Variants in LINGO1 observed in about 807,000 individuals in gnomAD.
LINGO1 encodes leucine rich repeat and Ig domain containing 1, also known as leucine-rich repeat and immunoglobulin-like domain-containing nogo receptor-interacting protein 1.
A neutral mutation model predicts 37.3 loss-of-function variants in LINGO1; 11 were observed. That is an observed-to-expected ratio of 0.29 (90% CI 0.19 to 0.49). The LOEUF (loss-of-function observed/expected upper bound fraction) is 0.49, where lower values mean the gene tolerates loss of function less well. LINGO1 is among the 20% of genes least tolerant of loss of function. The pLI, the probability that LINGO1 is intolerant of heterozygous loss-of-function variation, is 0.99. For synonymous variants in LINGO1, 387 were observed against 403.0 expected, an observed-to-expected ratio of 0.96 and a Z score of 0.48; for missense variants, 585 against 878.2, an observed-to-expected ratio of 0.67 and a Z score of 4.22.
intron 1 of LINGO1, among the ~76,000 whole-genome samples, chr15:77,809,888 A>G (rs901523922): frequency 1.3e-5 from 2 of 151,750 alleles, no homozygotes; most frequent in African/African-American, 2.4e-5. Flanking sequence ...TCCTTCCCCA[A>G]CCGCAGAGAA....
At chr15:77,649,355 T>A (rs1484526351) in intron 3 of LINGO1, 1 of 152,230 alleles carries the variant, frequency 6.6e-6, no homozygotes, top group African/African-American at 2.4e-5. Context: ...GAAAGATACG[T>A]CTGGCTGATG....
At chr15:77,759,373 G>A (rs1355765670) in intron 1 of LINGO1, among the ~76,000 whole-genome samples, 1 of 152,194 alleles carries the variant, frequency 6.6e-6, no homozygotes, top group Non-Finnish European at 1.5e-5. Context: ...GGGAGGCCAG[G>A]GGCCCGCAAC....
chr15:77,727,086 G>C (rs779036560), intron 2 of LINGO1, among the ~76,000 whole-genome samples: 13 of 152,222 alleles, frequency 8.5e-5, no homozygotes, highest in Non-Finnish European at 1.8e-4. Flanking sequence ...AGAAAAATAA[G>C]TATTTGCAAG....
chr15:77,635,537 G>A (rs1369514170), upstream of LINGO1, among the ~76,000 whole-genome samples: 3 of 151,124 alleles, frequency 2.0e-5, no homozygotes, highest in African/African-American at 4.9e-5. Flanking sequence ...GTGACACACC[G>A]GGATGGCCTA....
chr15:77,726,239 G>A (rs1012460549), intron 2 of LINGO1, among the ~76,000 whole-genome samples: 2 of 152,200 alleles, frequency 1.3e-5, no homozygotes, highest in Non-Finnish European at 2.9e-5. Flanking sequence ...CCGCCCCTGT[G>A]TCTGATGGAG....
At chr15:77,741,974 G>A (rs1015538801) in intron 1 of LINGO1, among the ~76,000 whole-genome samples, 1 of 152,180 alleles carries the variant, frequency 6.6e-6, no homozygotes, top group African/African-American at 2.4e-5. Flanking sequence ...GGCAGAGGGG[G>A]GGTTGGGCCA....
intron 1 of LINGO1, among the ~76,000 whole-genome samples, chr15:77,777,721 T>C (rs973223732): frequency 6.6e-6 from 1 of 151,644 alleles, no homozygotes; most frequent in African/African-American, 2.4e-5. Flanking sequence ...AGGTCAGGAG[T>C]TTGAGGCCAG....
intron 2 of LINGO1, among the ~76,000 whole-genome samples, chr15:77,722,789 G>A (rs1204660187): frequency 6.6e-6 from 1 of 152,152 alleles, no homozygotes; most frequent in Non-Finnish European, 1.5e-5. Context: ...GTCATAAGTT[G>A]GTGCTGGTTG....
Position 77,815,429 on chromosome 15 carries a change from A to T in LINGO1, c.-458+4829T>A, listed in dbSNP as rs541409974. ...TCAAGCTCTTCCTCTATCAAACAGC[A>T]ATGCCAAACAGCCCTCTACCCCTTT... On this transcript the variant is annotated intron_variant, in intron 1 of 5. Coordinates refer to the LINGO1 transcript ENST00000562933. Among the ~76,000 whole-genome samples the T allele has an allele frequency of 8.5e-5, 13 of 152,222 alleles. No individual in the cohort carries two copies. In the South Asian group the frequency reaches 2.5e-3, roughly 29 times the overall value.
Position 77,739,271 on chromosome 15 carries a change from T to TC in LINGO1, c.-256-4219dup, listed in dbSNP as rs536575147. Among the ~76,000 whole-genome samples, 834 of 152,140 alleles carry TC rather than the reference T, an allele frequency of 5.5e-3. 2 individuals carry two copies. The highest frequency in any genetic ancestry group is 0.014 in the Middle Eastern group (4 of 294). On this transcript the variant is annotated intron_variant, in intron 1 of 3. Transcript: ENST00000561686. ...GCCTTCCATTTTCTTTCTCTTCCCT[T>TC]CCCCCCTTGGAGCTGCAAGACCCAG... is the stretch of plus-strand genomic sequence containing the variant.
At chr15:77,616,787 T>C (rs1344814551) in intron 1 of LINGO1, among the ~76,000 whole-genome samples, 1 of 152,208 alleles carries the variant, frequency 6.6e-6, no homozygotes, top group African/African-American at 2.4e-5. Flanking sequence ...TTCTTTCCTC[T>C]GGCAATGCCC....
rs1405521794 is a variant in LINGO1, at chr15:77,632,014, G to A, written c.6+296C>T. On this transcript the variant is annotated intron_variant, in intron 1 of 1. Transcript: ENST00000355300. The surrounding 1 kb of genome is among the most constrained non-coding windows in gnomAD (Gnocchi z 6.0). The stretch of plus-strand genomic sequence containing the variant: ...GACCAATACTCAGAATGGGAGGGGG[G>A]ACAGGAAGGGGAGACCAGAGCAGGT... Among the ~76,000 whole-genome samples, 2 of 152,188 alleles carry A rather than the reference G, an allele frequency of 1.3e-5. No homozygotes were observed. The highest frequency in any genetic ancestry group is 6.5e-5 in the Admixed American group (1 of 15,286).
intron 1 of LINGO1, among the ~76,000 whole-genome samples, chr15:77,774,526 C>T (rs1020634163): frequency 1.1e-4 from 16 of 152,144 alleles, no homozygotes; most frequent in African/African-American, 1.7e-4. Context: ...TGTGGGATCA[C>T]GCATGGCTGC....
At position 77,613,966 on chromosome 15, in the gene LINGO1, G is replaced by A; in HGVS notation, c.*78C>T. ...AGAAGGGTAGGGAGGAGGTGGGAAG[G>A]ACTGGAGAGTGAGCAGGTGGCGGCC... On this transcript the variant is annotated 3_prime_UTR_variant, in exon 2 of 2. Coordinates refer to ENST00000355300, the MANE Select transcript of LINGO1 (RefSeq NM_032808.7). 2 of 1,170,828 alleles carry A rather than the reference G, an allele frequency of 1.7e-6. No individual in the cohort carries two copies. Among genetic ancestry groups the A allele is most frequent in the South Asian group, 2.9e-5 (2 of 68,166 alleles). 72.5% of individuals were successfully genotyped at this position (1,170,828 alleles called of 1,614,324 possible).
intron 2 of LINGO1, among the ~76,000 whole-genome samples, chr15:77,721,249 C>T (rs1425870660): frequency 5.9e-5 from 9 of 152,240 alleles, no homozygotes; most frequent in Admixed American, 2.6e-4. Flanking sequence ...TCCCCAAGCT[C>T]ACTCCACTCT....
intron 3 of LINGO1, chr15:77,641,984 C>G: frequency 2.2e-6 from 1 of 456,684 alleles, no homozygotes; most frequent in Non-Finnish European, 4.4e-6. Flanking sequence ...CTCTGAGCCG[C>G]TTTCCATTCA....
intron 1 of LINGO1, among the ~76,000 whole-genome samples, chr15:77,776,598 A>G (rs1280245081): frequency 6.7e-6 from 1 of 148,874 alleles, no homozygotes; most frequent in Admixed American, 6.7e-5. Context: ...GGGCCGCAAT[A>G]TAACAGGCCC....
chr15:77,663,924 G>A (rs1018518611), intron 3 of LINGO1, among the ~76,000 whole-genome samples: 4 of 152,182 alleles, frequency 2.6e-5, no homozygotes, highest in Non-Finnish European at 5.9e-5. Context: ...GCCCAGGGAG[G>A]GGCTAAGCAG....
At chr15:77,634,409 GTC>G, upstream of LINGO1, 1 of 450,862 alleles carries the variant, frequency 2.2e-6, no homozygotes, top group Non-Finnish European at 4.5e-6. Flanking sequence ...CCTAGCTAGA[GTC>G]CCTCCTAGCA....
Sources: allele counts gnomAD v4.1 joint callset (sites outside exome capture counted in the v4.1 genomes callset), GRCh38; gene constraint gnomAD v4.1.1; non-coding constraint Gnocchi (gnomAD v3.1); transcripts MANE v1.5; gene names NCBI Gene and HGNC (gene_info 2026-07-23, HGNC 2026-07-21).